TTC7B: variants seen among roughly 807,000 people sequenced by gnomAD.
TTC7B encodes the protein tetratricopeptide repeat protein 7B.
In TTC7B, 28 loss-of-function variants were observed where a neutral mutation model predicts 106.8. The ratio of observed to expected loss-of-function variants is 0.26; its 90% CI spans 0.19 to 0.36. TTC7B has a LOEUF of 0.36. TTC7B is among the 10% of genes least tolerant of loss of function. The pLI, the probability that TTC7B is intolerant of heterozygous loss-of-function variation, is 1.00. For missense variants in TTC7B, 862 were observed against 1,076.4 expected (o/e 0.80, Z 2.79); for synonymous variants, 405 against 430.6 (o/e 0.94, Z 0.74).
rs751418843 is a variant in TTC7B at position 90,780,782 on chromosome 14, G to A, written c.401C>T (p.Pro134Leu). The A allele has an allele frequency of 3.8e-5, 62 of 1,614,136 alleles. No homozygotes were observed. Among genetic ancestry groups the A allele is most frequent in the South Asian group, 1.5e-4 (14 of 91,090 alleles). Reference sequence around the variant, plus strand: ...TGCGATCACCCGCAGCCTGTAGGGCGGGACAGCTGTCAGTGGCAGATCGTC... The same window carrying A: ...TGCGATCACCCGCAGCCTGTAGGGCAGGACAGCTGTCAGTGGCAGATCGTC... ...GLDDLPLTAVPPYRLRVIAEA... is the reference protein window; with the variant it reads ...GLDDLPLTAVLPYRLRVIAEA... The change falls in exon 3 of 20, where the codon CCG (proline) becomes CTG (leucine). Residue 134 changes from proline (P) to leucine (L), a missense_variant. Pro to Leu is a moderately conservative substitution (Grantham distance 98). Transcript: ENST00000328459.
intron 12 of TTC7B, among the ~76,000 whole-genome samples, chr14:90,653,686 C>T (rs1885828044): frequency 6.6e-6 from 1 of 152,198 alleles, no homozygotes; most frequent in African/African-American, 2.4e-5. Flanking sequence ...CACCTCCCAG[C>T]CTGGCATGAG....
At chr14:90,776,080 G>C (rs1229534149) in intron 3 of TTC7B, among the ~76,000 whole-genome samples, 1 of 151,524 alleles carries the variant, frequency 6.6e-6, no homozygotes, top group Non-Finnish European at 1.5e-5. Context: ...AGGAAGGCAA[G>C]TAGCCCTGTT....
chr14:90,753,072 A>G lies in TTC7B; in HGVS notation c.446-8150T>C, dbSNP rs150287491. Among the ~76,000 whole-genome samples, 196 of 152,374 alleles carry G rather than the reference A, an allele frequency of 1.3e-3. 2 individuals carry two copies. The highest frequency in any genetic ancestry group is 4.3e-3 in the African/African-American group (179 of 41,590). The stretch of plus-strand genomic sequence containing the variant: ...CAAGTCTAAGAGACTAACAGCTAAA[A>G]CAAATATTTTGATTTTTTTGAACTG... On this transcript the variant is annotated intron_variant, in intron 3 of 19. Transcript: ENST00000328459.
At chr14:90,796,144 C>G (rs138305771) in intron 1 of TTC7B, among the ~76,000 whole-genome samples, 1 of 152,156 alleles carries the variant, frequency 6.6e-6, no homozygotes. Flanking sequence ...GTGACCCCGG[C>G]CCACTTAACC....
intron 18 of TTC7B, among the ~76,000 whole-genome samples, chr14:90,588,403 C>G (rs1007951162): frequency 3.3e-5 from 5 of 152,214 alleles, no homozygotes; most frequent in African/African-American, 1.2e-4. Context: ...AATTAACCAC[C>G]TACCGCAAAG....
Position 90,577,024 on chromosome 14 carries a change from T to G in TTC7B, c.2310+1082A>C, listed in dbSNP as rs577352620. ...CAGCTGATGTCGCTGGGACCAGAAC[T>G]GTGTCCTCAGACTCCCTGTCCAGTG... On this transcript the variant is annotated intron_variant, in intron 19 of 19. Transcript: ENST00000328459. This position sits in a 1 kb window ranked among gnomAD's most constrained non-coding sequence, Gnocchi z 5.0. 1.3e-5 allele frequency among the ~76,000 whole-genome samples: 2 copies of G among 152,302 alleles called. No homozygotes were observed. The highest frequency in any genetic ancestry group is 6.5e-5 in the Admixed American group (1 of 15,306).
intron 7 of TTC7B, among the ~76,000 whole-genome samples, chr14:90,683,618 T>A (rs1887140187): frequency 6.6e-6 from 1 of 152,298 alleles, no homozygotes; most frequent in Non-Finnish European, 1.5e-5. Context: ...TCAATTCATA[T>A]AGGTCAAAAA....
At chr14:90,548,688 G>A (rs1889941678) in intron 19 of TTC7B, among the ~76,000 whole-genome samples, 1 of 152,206 alleles carries the variant, frequency 6.6e-6, no homozygotes, top group South Asian at 2.1e-4. Flanking sequence ...AGTAACTTGG[G>A]GCAGAATGAA....
Position 90,526,048 on chromosome 14 carries a change from T to C in TTC7B, c.*15320A>G, listed in dbSNP as rs1243119382. 6.6e-6 allele frequency: 1 copy of C among 152,156 alleles called. No individual in the cohort carries two copies. Among genetic ancestry groups the C allele is most frequent in the African/African-American group, 2.4e-5 (1 of 41,432 alleles). 9.4% of individuals were successfully genotyped at this position (152,156 alleles called of 1,614,324 possible). The stretch of plus-strand genomic sequence containing the variant: ...TATATTTCCTTTTCTCTGGGGTACA[T>C]ACTAAGAGAGGAATTCCTGGATAAT... On this transcript the variant is annotated 3_prime_UTR_variant, in exon 20 of 20. Coordinates refer to ENST00000328459, the MANE Select transcript of TTC7B (RefSeq NM_001010854.2).
intron 1 of TTC7B, among the ~76,000 whole-genome samples, chr14:90,795,288 A>G (rs1891736963): frequency 6.6e-6 from 1 of 152,196 alleles, no homozygotes; most frequent in Non-Finnish European, 1.5e-5. Context: ...GACCCGTGAG[A>G]GCTGGGTAAC....
chr14:90,593,141 A>T (rs916314574), intron 18 of TTC7B, among the ~76,000 whole-genome samples: 138 of 152,330 alleles, frequency 9.1e-4, no homozygotes, highest in Non-Finnish European at 1.6e-3. Context: ...TGGTACAGCT[A>T]TGACTCCAAG....
intron 1 of TTC7B, among the ~76,000 whole-genome samples, chr14:90,811,801 A>C (rs988074527): frequency 2.6e-5 from 4 of 152,214 alleles, no homozygotes; most frequent in Non-Finnish European, 5.9e-5. Context: ...TTTCTAAGTG[A>C]ACTCAGTCGC....
chr14:90,702,045 C>G (rs777948221), intron 5 of TTC7B, among the ~76,000 whole-genome samples: 14 of 152,176 alleles, frequency 9.2e-5, no homozygotes, highest in South Asian at 2.1e-4. Flanking sequence ...GTCCTTCACC[C>G]GGGAATCCAT....
chr14:90,700,051 C>T (rs780419284), intron 5 of TTC7B, among the ~76,000 whole-genome samples: 4 of 148,492 alleles, frequency 2.7e-5, no homozygotes, highest in Non-Finnish European at 4.6e-5. Flanking sequence ...ATTTCCTACC[C>T]GTTTCTTTTC....
chr14:90,593,554 T>C lies in TTC7B; in HGVS notation c.2039A>G (p.Gln680Arg), dbSNP rs1023105681. 13 of 1,612,666 alleles carry C rather than the reference T, an allele frequency of 8.1e-6. 1 individual carries two copies. Among genetic ancestry groups the C allele is most frequent in the Admixed American group, 1.7e-5 (1 of 59,888 alleles). The change falls in exon 18 of 20, where the codon CAG (glutamine) becomes CGG (arginine). Residue 680 changes from glutamine (Q) to arginine (R), a missense_variant. Coordinates refer to ENST00000328459, the MANE Select transcript of TTC7B (RefSeq NM_001010854.2). ...QALSEVASSL[Q>R]SSAPKQGPLH... The stretch of plus-strand genomic sequence containing the variant: ...CGGGCCCTGCTTAGGGGCACTGCTC[T>C]GCAGAGACGAAGCCACTTCCGACAG...
rs1397970744 is a variant in TTC7B at position 90,536,816 on chromosome 14, C to T, written c.*4552G>A. 1 of 152,382 alleles carries T rather than the reference C, an allele frequency of 6.6e-6. No individual in the cohort carries two copies. The highest frequency in any genetic ancestry group is 1.5e-5 in the Non-Finnish European group (1 of 68,150). 9.4% of individuals were successfully genotyped at this position (152,382 alleles called of 1,614,324 possible). A position where few individuals can be genotyped will look rare whatever the true frequency, so the allele number is the denominator to read the frequency against. On this transcript the variant is annotated 3_prime_UTR_variant, in exon 20 of 20. Coordinates refer to ENST00000328459, the MANE Select transcript of TTC7B (RefSeq NM_001010854.2). The stretch of plus-strand genomic sequence containing the variant: ...GACGTCCACATCCCGAGCCCTGGAA[C>T]CTGTGACTATGTTGCCTTCCATGAC...
rs1254384992 is a variant in TTC7B, at chr14:90,621,276, G to GC, written c.1752-3232_1752-3231insG. Among the ~76,000 whole-genome samples, 6 of 150,386 alleles carry GC rather than the reference G, an allele frequency of 4.0e-5. No homozygotes were observed. In the South Asian group the frequency reaches 1.3e-3, roughly 32 times the overall value. On this transcript the variant is annotated intron_variant, in intron 15 of 19. Coordinates refer to ENST00000328459, the MANE Select transcript of TTC7B (RefSeq NM_001010854.2). ...AGCCAGAATGTTGAGCAGAGGCCACGGGGTACAGCCGGGACGATAGGCAGA... is the reference window on the plus strand; with the variant it reads ...AGCCAGAATGTTGAGCAGAGGCCACGCGGGTACAGCCGGGACGATAGGCAGA...
rs1336333994 is a variant in TTC7B, at chr14:90,657,819, C to T, written c.1236+485G>A. ...CAGGTGCTGTTCTTACTCCATTTTA[C>T]CGAGGAAACTGAGCTGCTCAGTAAC... On this transcript the variant is annotated intron_variant, in intron 10 of 19. Coordinates refer to ENST00000328459, the MANE Select transcript of TTC7B (RefSeq NM_001010854.2). This position sits in a 1 kb window ranked among gnomAD's most constrained non-coding sequence, Gnocchi z 4.2. The T allele has an allele frequency of 5.4e-6, 1 of 184,978 alleles. No individual in the cohort carries two copies. The highest frequency in any genetic ancestry group is 1.4e-4 in the East Asian group (1 of 7,166). The allele number at this position is 184,978 out of a possible 1,614,324, so 11.5% of individuals were successfully genotyped here. A position where few individuals can be genotyped will look rare whatever the true frequency, so the allele number is the denominator to read the frequency against.
At chr14:90,602,536 GC>G (rs552244194) in intron 17 of TTC7B, among the ~76,000 whole-genome samples, 1 of 152,094 alleles carries the variant, frequency 6.6e-6, no homozygotes, top group African/African-American at 2.4e-5. Flanking sequence ...CCTCCTCTCT[GC>G]CAAAAATTAA....
Sources: gnomAD v4.1 joint callset for allele counts (sites outside exome capture counted in the v4.1 genomes callset) on GRCh38, gnomAD v4.1.1 for gene constraint, Gnocchi (gnomAD v3.1) non-coding constraint, MANE v1.5 for transcripts, NCBI Gene and HGNC (gene_info 2026-07-23, HGNC 2026-07-21) for gene names.